The following IQGAP3 variants were observed in gnomAD, a reference collection of about 807,000 sequenced individuals.
The protein encoded by IQGAP3 is IQ motif containing GTPase activating protein 3.
A neutral mutation model predicts 208.2 loss-of-function variants in IQGAP3; 165 were observed. The ratio of observed to expected loss-of-function variants is 0.79; its 90% CI spans 0.70 to 0.90. The LOEUF is 0.90. Among genes scored for constraint, IQGAP3 ranks in the 40% least tolerant of loss-of-function variants. The pLI is 0.00. For missense variants in IQGAP3, 1,811 were observed against 2,043.1 expected, an observed-to-expected ratio of 0.89 and a Z score of 2.19; for synonymous variants, 703 against 803.6, an observed-to-expected ratio of 0.87 and a Z score of 2.12.
Position 156,550,317 on chromosome 1 carries a change from T to C in IQGAP3, c.1769A>G (p.Glu590Gly), listed in dbSNP as rs146241187. 7.8e-5 allele frequency: 126 copies of C among 1,613,730 alleles called. No homozygotes were observed. Among genetic ancestry groups the C allele is most frequent in the Non-Finnish European group, 1.0e-4 (123 of 1,179,882 alleles). Residue 590 changes from glutamate to glycine, a missense_variant, in exon 16 of 38, where the codon GAG (glutamate) becomes GGG (glycine). Glu to Gly is a moderately conservative substitution (Grantham distance 98, BLOSUM62 -2). Transcript: ENST00000361170. ...TCTGACCACTCCCTGGCGGATCTCC[T>C]CAAGCCACAGCACAGCTCCAGGATC... ...TGDPGAVLWL[E>G]EIRQGVVRAN... is the part of the protein sequence containing the mutation.
chr1:156,538,959 C>T lies in IQGAP3; in HGVS notation c.3131G>A (p.Arg1044His), dbSNP rs377284542. 2.8e-5 allele frequency: 46 copies of T among 1,614,058 alleles called. No homozygotes were observed. The highest frequency in any genetic ancestry group is 1.6e-4 in the Middle Eastern group (1 of 6,084). The change falls in exon 26 of 38, where the codon CGT becomes CAT. Residue 1044 changes from arginine (R) to histidine (H), a missense_variant. By Grantham distance (29) the Arg-to-His change is conservative (BLOSUM62 0). Transcript: ENST00000361170. ...CAGGGCACTCTGTCCCCGCCCATTACGGTAGAATCTCACCACCAGCCTCAC... is the reference window on the plus strand; with the variant it reads ...CAGGGCACTCTGTCCCCGCCCATTATGGTAGAATCTCACCACCAGCCTCAC... ...TVVRLVVRFYRNGRGQSALQE... is the reference protein window; with the variant it reads ...TVVRLVVRFYHNGRGQSALQE...
chr1:156,546,522 C>T (rs1362100794), intron 19 of IQGAP3, among the ~76,000 whole-genome samples: 1 of 152,136 alleles, frequency 6.6e-6, no homozygotes, highest in Non-Finnish European at 1.5e-5. Flanking sequence ...ATACAGATCA[C>T]TAAAGTTCTG....
intron 11 of IQGAP3, among the ~76,000 whole-genome samples, chr1:156,559,590 AG>A (rs1345760030): frequency 2.0e-5 from 3 of 152,158 alleles, no homozygotes; most frequent in African/African-American, 7.2e-5. Context: ...CCTGGGAGAG[AG>A]CAGAAGACTT....
intron 36 of IQGAP3, among the ~76,000 whole-genome samples, 167 bp from the exon 37 acceptor site, chr1:156,528,227 G>A (rs1401001839): frequency 2.6e-5 from 4 of 152,040 alleles, no homozygotes; most frequent in Non-Finnish European, 4.4e-5. Flanking sequence ...TTTTACTTCT[G>A]CTCCCCACAC....
At chr1:156,555,036 A>G (rs1675761906) in intron 12 of IQGAP3, among the ~76,000 whole-genome samples, 1 of 152,148 alleles carries the variant, frequency 6.6e-6, no homozygotes, top group African/African-American at 2.4e-5. Flanking sequence ...CCTGGGTGAC[A>G]GAGCCAGACC....
At chr1:156,563,852 G>A (rs1371695444) in intron 5 of IQGAP3, 28 bp from the exon 6 acceptor site, 1 of 1,595,130 alleles carries the variant, frequency 6.3e-7, no homozygotes, top group Non-Finnish European at 8.6e-7. Flanking sequence ...GCATTGGAAG[G>A]CACTGGGGCC....
At position 156,564,621 on chromosome 1, in the gene IQGAP3, G is replaced by T; in HGVS notation, c.431C>A (p.Ala144Asp). Residue 144 changes from alanine to aspartate, a missense_variant, in exon 5 of 38, where the codon GCT (alanine) becomes GAT (aspartate). By Grantham distance (126) the Ala-to-Asp change is moderately radical. Coordinates refer to ENST00000361170, the MANE Select transcript of IQGAP3 (RefSeq NM_178229.5). ...NMPRVVYCIH[A>D]LSLFLFRLGL... is the part of the protein sequence containing the mutation. ...AAAATTTGAGGTCTCTCACCTGAGA[G>T]CATGGATGCAGTAGACTACCCGGGG... is the stretch of plus-strand genomic sequence containing the variant. 1 of 1,610,602 alleles carries T rather than the reference G, an allele frequency of 6.2e-7. No individual in the cohort carries two copies. Among genetic ancestry groups the T allele is most frequent in the Non-Finnish European group, 8.5e-7 (1 of 1,176,708 alleles).
Position 156,563,683 on chromosome 1 carries a change from G to A in IQGAP3, c.506-17C>T. The A allele has an allele frequency of 6.2e-7, 1 of 1,610,404 alleles. No homozygotes were observed. The highest frequency in any genetic ancestry group is 8.5e-7 in the Non-Finnish European group (1 of 1,177,714). On this transcript the variant is annotated splice_polypyrimidine_tract_variant and intron_variant, in intron 6 of 37. Coordinates refer to ENST00000361170, the MANE Select transcript of IQGAP3 (RefSeq NM_178229.5). ...GTTCCTCAGCTGCAATGATGCCACAGGTGCCCTTCATCAGGCCCAGAACCC... is the reference window on the plus strand; with the variant it reads ...GTTCCTCAGCTGCAATGATGCCACAAGTGCCCTTCATCAGGCCCAGAACCC...
chr1:156,533,157 G>A (rs765370869), intron 31 of IQGAP3, 51 bp from the exon 32 acceptor site: 36 of 1,599,560 alleles, frequency 2.3e-5, no homozygotes, highest in Non-Finnish European at 2.6e-5. Flanking sequence ...ACACACATGC[G>A]CACACACACA....
chr1:156,545,315 T>G (rs936357396), intron 19 of IQGAP3, among the ~76,000 whole-genome samples: 1 of 152,128 alleles, frequency 6.6e-6, no homozygotes. Context: ...GACTATAGAC[T>G]ATCCCAGCCT....
intron 19 of IQGAP3, among the ~76,000 whole-genome samples, chr1:156,546,156 TACTC>T (rs1221203986): frequency 1.3e-5 from 2 of 152,160 alleles, no homozygotes; most frequent in African/African-American, 4.8e-5. Flanking sequence ...TCTCTGCTCT[TACTC>T]ACTACCCAAC....
chr1:156,568,316 G>T (rs1027929407), intron 2 of IQGAP3, among the ~76,000 whole-genome samples: 3 of 152,098 alleles, frequency 2.0e-5, no homozygotes, highest in African/African-American at 7.2e-5. Context: ...CTGGGTTCAA[G>T]CGATTCTCCT....
chr1:156,563,180 A>C lies in IQGAP3; in HGVS notation c.752T>G (p.Met251Arg). The stretch of plus-strand genomic sequence containing the variant: ...CTTCTCCATCTTGGCCTGGGCCAGC[A>C]TCTCTTGGTAGACGGCTGCCAGAGG... ...REPLAAVYQE[M>R]LAQAKMEKAA... Residue 251 changes from methionine to arginine, a missense_variant, in exon 8 of 38, where the codon ATG (methionine) becomes AGG (arginine). Transcript: ENST00000361170. 6.2e-7 allele frequency: 1 copy of C among 1,611,810 alleles called. No individual in the cohort carries two copies. The highest frequency in any genetic ancestry group is 8.5e-7 in the Non-Finnish European group (1 of 1,178,172).
intron 10 of IQGAP3, 89 bp from the exon 11 acceptor site, chr1:156,561,110 C>T: frequency 1.2e-6 from 1 of 840,802 alleles, no homozygotes; most frequent in South Asian, 1.4e-5. Flanking sequence ...CCCAGGTCTA[C>T]CCAGCCACCT....
At chr1:156,539,631 A>G (rs570299568) in intron 24 of IQGAP3, 94 bp from the exon 25 acceptor site, 2 of 1,387,222 alleles carry the variant, frequency 1.4e-6, no homozygotes, top group East Asian at 2.3e-5. Flanking sequence ...GAAATCTGGA[A>G]TGGAGAAAGC....
At chr1:156,550,474 C>G (rs530076843) in intron 15 of IQGAP3, 123 bp from the exon 16 acceptor site, 4 of 691,634 alleles carry the variant, frequency 5.8e-6, no homozygotes, top group South Asian at 1.7e-5. Flanking sequence ...ACAGTGATCT[C>G]CACTCAGCTC....
chr1:156,548,486 T>A lies in IQGAP3; in HGVS notation c.1995A>T (p.Ala665=). The A allele has an allele frequency of 6.2e-7, 1 of 1,613,176 alleles. No individual in the cohort carries two copies. Among genetic ancestry groups the A allele is most frequent in the South Asian group, 1.1e-5 (1 of 91,016 alleles). ...CATGTTGAACCCAGAAAGCTGTGTC[T>A]GCTAAGCAGAAACCAAGCAAGCAGA... ...ESAMAKKQRP[A]DTAFWVQHDM... Residue 665 remains alanine (A), a splice_region_variant and synonymous_variant, in exon 18 of 38, where the codon GCA becomes GCT. Transcript: ENST00000361170.
intron 26 of IQGAP3, among the ~76,000 whole-genome samples, chr1:156,537,536 C>A (rs1386730235): frequency 6.6e-6 from 1 of 152,146 alleles, no homozygotes; most frequent in Non-Finnish European, 1.5e-5. Flanking sequence ...TACAGGGAAG[C>A]TGGAAGAATG....
intron 29 of IQGAP3, 33 bp from the exon 30 acceptor site, chr1:156,534,174 G>C (rs1270093232): frequency 6.2e-7 from 1 of 1,610,138 alleles, no homozygotes; most frequent in South Asian, 1.1e-5. Flanking sequence ...AGAGAGCGGG[G>C]AGGGCCAGCA....
Sources: gnomAD v4.1 joint callset for allele counts (sites outside exome capture counted in the v4.1 genomes callset) on GRCh38, gnomAD v4.1.1 for gene constraint, MANE v1.5 for transcripts, NCBI Gene and HGNC (gene_info 2026-07-23, HGNC 2026-07-21) for gene names.